HES4: variants seen among roughly 807,000 people sequenced by gnomAD.
HES4 encodes the protein transcription factor HES-4.
Under a neutral mutation model 10.7 loss-of-function variants are expected in HES4, and 17 were observed. The ratio of observed to expected loss-of-function variants is 1.59; its 90% CI spans 1.09 to 2.38. HES4 has a LOEUF of 2.38. HES4 is among the 30% of genes most tolerant of loss of function. The probability of loss-of-function intolerance (pLI) is 0.00; values close to 1 mark genes in which losing one functional copy is unlikely to be tolerated. For missense variants in HES4, 389 were observed against 332.1 expected, an observed-to-expected ratio of 1.17 and a Z score of -1.33; for synonymous variants, 189 against 159.7, an observed-to-expected ratio of 1.18 and a Z score of -1.38.
At position 999,510 on chromosome 1, in the gene HES4, G is replaced by T; in HGVS notation, c.292+16C>A. ...GCCCTCCCCCCGCCTCCAAGCCGCC[G>T]CCGCCCGCGCCTCACCCGTCACCTG... On this transcript the variant is annotated intron_variant, in intron 3 of 3. Coordinates refer to ENST00000304952, the MANE Select transcript of HES4 (RefSeq NM_021170.4). 1 of 1,575,240 alleles carries T rather than the reference G, an allele frequency of 6.3e-7. No homozygotes were observed. The highest frequency in any genetic ancestry group is 1.8e-5 in the Admixed American group (1 of 54,106).
In HES4 at chr1:999,619, G is replaced by C. The variant is rs746586303; in HGVS notation, c.205-6C>G. The C allele has an allele frequency of 6.2e-7, 1 of 1,605,714 alleles. No individual in the cohort carries two copies. Among genetic ancestry groups the C allele is most frequent in the East Asian group, 2.3e-5 (1 of 44,164 alleles). Reference sequence around the variant, plus strand: ...AGCTTCGAGTGGCGGGAGCTCTGGGGGCGGGGATAGGCGGGAGGTCCAGGT... The same window carrying C: ...AGCTTCGAGTGGCGGGAGCTCTGGGCGCGGGGATAGGCGGGAGGTCCAGGT... On this transcript the variant is annotated splice_polypyrimidine_tract_variant and splice_region_variant and intron_variant, in intron 2 of 3. Transcript: ENST00000304952.
intron 3 of HES4, 36 bp downstream of exon 3, chr1:999,490 C>G: frequency 6.4e-7 from 1 of 1,559,880 alleles, no homozygotes; most frequent in East Asian, 2.4e-5. Flanking sequence ...CCCGCGCCCT[C>G]CCCCCGCCTC....
In HES4 at chr1:999,893, C is replaced by T. The variant is rs778228681; in HGVS notation, c.81G>A (p.Lys27=). Residue 27 remains lysine (K), a synonymous_variant, in exon 1 of 4, where the codon AAG becomes AAA. Transcript: ENST00000304952. ...TGCGGTGCTCGGCCGCGCTCCGGGGCTTGTCTGGGGTCCGGCTGGCGCTGG... is the reference window on the plus strand; with the variant it reads ...TGCGGTGCTCGGCCGCGCTCCGGGGTTTGTCTGGGGTCCGGCTGGCGCTGG... ...APASASRTPD[K]PRSAAEHRKS... is the part of the protein sequence containing the mutation. 7 of 1,509,592 alleles carry T rather than the reference C, an allele frequency of 4.6e-6. No individual in the cohort carries two copies. In the Admixed American group the frequency reaches 1.1e-4, roughly 23 times the overall value. The allele number at this position is 1,509,592 out of a possible 1,614,324, so 93.5% of individuals were successfully genotyped here. A position where few individuals can be genotyped will look rare whatever the true frequency, so the allele number is the denominator to read the frequency against.
chr1:999,582 T>G lies in HES4; in HGVS notation c.236A>C (p.Asp79Ala). The G allele has an allele frequency of 6.2e-7, 1 of 1,610,098 alleles. No homozygotes were observed. Among genetic ancestry groups the G allele is most frequent in the Admixed American group, 1.7e-5 (1 of 59,762 alleles). The change falls in exon 3 of 4, where the codon GAC becomes GCC. Residue 79 changes from aspartate to alanine, a missense_variant. Physicochemically the swap from Asp to Ala is moderately radical, Grantham distance 126. Transcript: ENST00000304952. Reference sequence around the variant, plus strand: ...GTGTCTCACGGTCATCTCCAGGATGTCCGCCTTCTCCAGCTTCGAGTGGCG... The same window carrying G: ...GTGTCTCACGGTCATCTCCAGGATGGCCGCCTTCTCCAGCTTCGAGTGGCG... ...SSRHSKLEKADILEMTVRHLR... is the reference protein window; with the variant it reads ...SSRHSKLEKAAILEMTVRHLR...
chr1:999,256 C>T lies in HES4; in HGVS notation c.469G>A (p.Ala157Thr), dbSNP rs1643985085. The part of the protein sequence containing the change: ...LRQLGPSRRP[A>T]SLSPAAPAEA... Reference sequence around the variant, plus strand: ...GCGGGGGCAGCCGGGGACAGCGAGGCCGGGCGGCGGGAGGGTCCCAGCTGG... The same window carrying T: ...GCGGGGGCAGCCGGGGACAGCGAGGTCGGGCGGCGGGAGGGTCCCAGCTGG... The change falls in exon 4 of 4, where the codon GCC (alanine) becomes ACC (threonine). Residue 157 changes from alanine (A) to threonine (T), a missense_variant. Transcript: ENST00000304952. 2.9e-6 allele frequency: 4 copies of T among 1,400,248 alleles called. No homozygotes were observed. Among genetic ancestry groups the T allele is most frequent in the East Asian group, 3.1e-5 (1 of 32,268 alleles). 86.7% of individuals were successfully genotyped at this position (1,400,248 alleles called of 1,614,324 possible).
chr1:999,419 G>C lies in HES4; in HGVS notation c.306C>G (p.Ala102=). 1 of 1,496,006 alleles carries C rather than the reference G, an allele frequency of 6.7e-7. No homozygotes were observed. The allele number at this position is 1,496,006 out of a possible 1,614,324, so 92.7% of individuals were successfully genotyped here. Residue 102 remains alanine, a synonymous_variant, in exon 4 of 4, where the codon GCC becomes GCG. Transcript: ENST00000304952. Reference sequence around the variant, plus strand: ...GGTACTTGCCCAGAACGGCGGGGTCGGCGCTGAGCGCGGCTGCGGGAGCGA... The same window carrying C: ...GGTACTTGCCCAGAACGGCGGGGTCCGCGCTGAGCGCGGCTGCGGGAGCGA... The part of the protein sequence containing the change: ...RRVQVTAALS[A]DPAVLGKYRA...
In HES4 at chr1:999,269, G is replaced by C. The variant is rs1314595951; in HGVS notation, c.456C>G (p.Pro152=). The stretch of plus-strand genomic sequence containing the variant: ...GGGACAGCGAGGCCGGGCGGCGGGA[G>C]GGTCCCAGCTGGCGCAGGCAGGCTG... ...HLAACLRQLG[P]SRRPASLSPA... is the part of the protein sequence containing the mutation. The change falls in exon 4 of 4, where the codon CCC becomes CCG. Residue 152 remains proline (P), a synonymous_variant. Coordinates refer to ENST00000304952, the MANE Select transcript of HES4 (RefSeq NM_021170.4). The C allele has an allele frequency of 7.0e-7, 1 of 1,422,786 alleles. No individual in the cohort carries two copies. Among genetic ancestry groups the C allele is most frequent in the East Asian group, 3.1e-5 (1 of 32,578 alleles). The allele number at this position is 1,422,786 out of a possible 1,614,324, so 88.1% of individuals were successfully genotyped here. A position where few individuals can be genotyped will look rare whatever the true frequency, so the allele number is the denominator to read the frequency against.
rs748762240 is a variant in HES4, at chr1:999,804, G to A, written c.109-17C>T. Reference sequence around the variant, plus strand: ...CTTGGAGGACTGCGGGTCGGGCACCGGCTGAGTCCCGCGTCCCTCCCGCCC... The same window carrying A: ...CTTGGAGGACTGCGGGTCGGGCACCAGCTGAGTCCCGCGTCCCTCCCGCCC... On this transcript the variant is annotated splice_polypyrimidine_tract_variant and intron_variant, in intron 1 of 3. Transcript: ENST00000304952. 1 of 1,608,754 alleles carries A rather than the reference G, an allele frequency of 6.2e-7. No homozygotes were observed.
Position 999,205 on chromosome 1 carries a change from C to A in HES4, c.520G>T (p.Ala174Ser), listed in dbSNP as rs746170331. Residue 174 changes from alanine to serine, a missense_variant, in exon 4 of 4, where the codon GCG (alanine) becomes TCG (serine). Transcript: ENST00000304952. The part of the protein sequence containing the change: ...PAEAPAPEVY[A>S]GRPLLPSLGG... ...AGCGATGGCAGCAGCGGGCGGCCCG[C>A]GTAGACCTCGGGCGCTGGGGCCTCT... is the stretch of plus-strand genomic sequence containing the variant. 1,009 of 1,289,314 alleles carry A rather than the reference C, an allele frequency of 7.8e-4. 1 individual carries two copies. Among genetic ancestry groups the A allele is most frequent in the Non-Finnish European group, 9.2e-4 (945 of 1,023,960 alleles). 79.9% of individuals were successfully genotyped at this position (1,289,314 alleles called of 1,614,324 possible).
intron 2 of HES4, 24 bp downstream of exon 2, chr1:999,666 GTC>G (rs1643996517): frequency 3.1e-6 from 5 of 1,611,306 alleles, no homozygotes; most frequent in Non-Finnish European, 4.2e-6. Flanking sequence ...CAGACTCCGG[GTC>G]TCGGGCCTTC....
Position 999,540 on chromosome 1 carries a change from C to T in HES4, c.278G>A (p.Arg93His), listed in dbSNP as rs781536090. ...CCGCGCCTCACCCGTCACCTGCACGCGACGCAGGCTCCGCAGGTGTCTCAC... is the reference window on the plus strand; with the variant it reads ...CCGCGCCTCACCCGTCACCTGCACGTGACGCAGGCTCCGCAGGTGTCTCAC... The part of the protein sequence containing the change: ...MTVRHLRSLR[R>H]VQVTAALSAD... The change falls in exon 3 of 4, where the codon CGC becomes CAC. Residue 93 changes from arginine (R) to histidine (H), a missense_variant. Coordinates refer to ENST00000304952, the MANE Select transcript of HES4 (RefSeq NM_021170.4). 5.6e-6 allele frequency: 9 copies of T among 1,601,906 alleles called. No homozygotes were observed. The South Asian group carries it at 8.9e-5, about 16-fold the overall frequency.
In HES4 at chr1:999,357, C is replaced by A; in HGVS notation, c.368G>T (p.Arg123Leu). 6.7e-7 allele frequency: 1 copy of A among 1,495,020 alleles called. No homozygotes were observed. 92.6% of individuals were successfully genotyped at this position (1,495,020 alleles called of 1,614,324 possible). A position where few individuals can be genotyped will look rare whatever the true frequency, so the allele number is the denominator to read the frequency against. The stretch of plus-strand genomic sequence containing the variant: ...GACGCCCTCGCAGCCGGCCAGGAAG[C>A]GGTTCACCTCCGCCAGACACTCGTG... The part of the protein sequence containing the change: ...GFHECLAEVN[R>L]FLAGCEGVPA... Residue 123 changes from arginine to leucine, a missense_variant, in exon 4 of 4, where the codon CGC becomes CTC. Arg to Leu is a moderately radical substitution (Grantham distance 102, BLOSUM62 -2). Coordinates refer to ENST00000304952, the MANE Select transcript of HES4 (RefSeq NM_021170.4).
chr1:999,336 C>T lies in HES4; in HGVS notation c.389G>A (p.Gly130Asp). ...EVNRFLAGCE[G>D]VPADVRSRLL... Reference sequence around the variant, plus strand: ...GCGGGAGCGCACGTCGGCCGGGACGCCCTCGCAGCCGGCCAGGAAGCGGTT... The same window carrying T: ...GCGGGAGCGCACGTCGGCCGGGACGTCCTCGCAGCCGGCCAGGAAGCGGTT... Residue 130 changes from glycine (G) to aspartate (D), a missense_variant, in exon 4 of 4, where the codon GGC (glycine) becomes GAC (aspartate). Physicochemically the swap from Gly to Asp is moderately conservative, Grantham distance 94. Transcript: ENST00000304952. 5.4e-6 allele frequency: 8 copies of T among 1,482,348 alleles called. No individual in the cohort carries two copies. Among genetic ancestry groups the T allele is most frequent in the Non-Finnish European group, 7.1e-6 (8 of 1,124,044 alleles). 91.8% of individuals were successfully genotyped at this position (1,482,348 alleles called of 1,614,324 possible). A position where few individuals can be genotyped will look rare whatever the true frequency, so the allele number is the denominator to read the frequency against.
chr1:999,279 T>C lies in HES4; in HGVS notation c.446A>G (p.Gln149Arg). The change falls in exon 4 of 4, where the codon CAG (glutamine) becomes CGG (arginine). Residue 149 changes from glutamine (Q) to arginine (R), a missense_variant. Coordinates refer to ENST00000304952, the MANE Select transcript of HES4 (RefSeq NM_021170.4). ...GGCCGGGCGGCGGGAGGGTCCCAGC[T>C]GGCGCAGGCAGGCTGCCAGGTGGCC... ...LLGHLAACLRQLGPSRRPASL... is the reference protein window; with the variant it reads ...LLGHLAACLRRLGPSRRPASL... The C allele has an allele frequency of 6.9e-7, 1 of 1,453,250 alleles. No individual in the cohort carries two copies. Among genetic ancestry groups the C allele is most frequent in the East Asian group, 3.0e-5 (1 of 33,152 alleles). The allele number at this position is 1,453,250 out of a possible 1,614,324, so 90.0% of individuals were successfully genotyped here.
rs778942342 is a variant in HES4 at position 999,087 on chromosome 1, C to T, written c.638G>A (p.Gly213Asp). 3 of 1,236,442 alleles carry T rather than the reference C, an allele frequency of 2.4e-6. No homozygotes were observed. The highest frequency in any genetic ancestry group is 7.8e-5 in the Admixed American group (2 of 25,556). The allele number at this position is 1,236,442 out of a possible 1,614,324, so 76.6% of individuals were successfully genotyped here. A position where few individuals can be genotyped will look rare whatever the true frequency, so the allele number is the denominator to read the frequency against. Residue 213 changes from glycine (G) to aspartate (D), a missense_variant, in exon 4 of 4, where the codon GGT becomes GAT. Transcript: ENST00000304952. ...AAPRAGPQGPGGPWRPWLR is the reference protein window; with the variant it reads ...AAPRAGPQGPDGPWRPWLR ...GCGCAGCCACGGCCTCCAGGGCCCA[C>T]CCGGGCCCTGCGGCCCCGCCCTGGG...
Position 999,424 on chromosome 1 carries a change from T to C in HES4, c.301A>G (p.Ser101Gly). The change falls in exon 4 of 4, where the codon AGC becomes GGC. Residue 101 changes from serine (S) to glycine (G), a missense_variant. Transcript: ENST00000304952. Reference sequence around the variant, plus strand: ...TTGCCCAGAACGGCGGGGTCGGCGCTGAGCGCGGCTGCGGGAGCGACACAG... The same window carrying C: ...TTGCCCAGAACGGCGGGGTCGGCGCCGAGCGCGGCTGCGGGAGCGACACAG... Reference protein sequence around the residue: ...LRRVQVTAALSADPAVLGKYR... With the variant: ...LRRVQVTAALGADPAVLGKYR... 2.0e-6 allele frequency: 3 copies of C among 1,501,810 alleles called. No individual in the cohort carries two copies. The highest frequency in any genetic ancestry group is 2.6e-6 in the Non-Finnish European group (3 of 1,140,130). The allele number at this position is 1,501,810 out of a possible 1,614,324, so 93.0% of individuals were successfully genotyped here.
In HES4 at chr1:999,258, G is replaced by T. The variant is rs1231131024; in HGVS notation, c.467C>A (p.Pro156Gln). 2.1e-6 allele frequency: 3 copies of T among 1,402,658 alleles called. No homozygotes were observed. The highest frequency in any genetic ancestry group is 2.8e-6 in the Non-Finnish European group (3 of 1,082,856). 86.9% of individuals were successfully genotyped at this position (1,402,658 alleles called of 1,614,324 possible). ...CLRQLGPSRR[P>Q]ASLSPAAPAE... is the part of the protein sequence containing the mutation. Reference sequence around the variant, plus strand: ...GGGGGCAGCCGGGGACAGCGAGGCCGGGCGGCGGGAGGGTCCCAGCTGGCG... The same window carrying T: ...GGGGGCAGCCGGGGACAGCGAGGCCTGGCGGCGGGAGGGTCCCAGCTGGCG... The change falls in exon 4 of 4, where the codon CCG (proline) becomes CAG (glutamine). Residue 156 changes from proline (P) to glutamine (Q), a missense_variant. Physicochemically the swap from Pro to Gln is moderately conservative, Grantham distance 76. Coordinates refer to ENST00000304952, the MANE Select transcript of HES4 (RefSeq NM_021170.4).
In HES4 at chr1:999,220, C is replaced by T; in HGVS notation, c.505G>A (p.Ala169Thr). The change falls in exon 4 of 4, where the codon GCG becomes ACG. Residue 169 changes from alanine (A) to threonine (T), a missense_variant. By Grantham distance (58) the Ala-to-Thr change is moderately conservative. Transcript: ENST00000304952. ...LSPAAPAEAPAPEVYAGRPLL... is the reference protein window; with the variant it reads ...LSPAAPAEAPTPEVYAGRPLL... ...GGGCGGCCCGCGTAGACCTCGGGCG[C>T]TGGGGCCTCTGCGGGGGCAGCCGGG... 1 of 1,320,462 alleles carries T rather than the reference C, an allele frequency of 7.6e-7. No homozygotes were observed. Among genetic ancestry groups the T allele is most frequent in the Non-Finnish European group, 9.6e-7 (1 of 1,042,106 alleles). 81.8% of individuals were successfully genotyped at this position (1,320,462 alleles called of 1,614,324 possible).
rs962321709 is a variant in HES4 at position 998,966 on chromosome 1, G to C, written c.*93C>G. 9.0e-7 allele frequency: 1 copy of C among 1,113,246 alleles called. No individual in the cohort carries two copies. Among genetic ancestry groups the C allele is most frequent in the Non-Finnish European group, 1.1e-6 (1 of 872,032 alleles). The allele number at this position is 1,113,246 out of a possible 1,614,324, so 69.0% of individuals were successfully genotyped here. On this transcript the variant is annotated 3_prime_UTR_variant, in exon 4 of 4. Coordinates refer to ENST00000304952, the MANE Select transcript of HES4 (RefSeq NM_021170.4). ...AAGAAAACTCGTGACGCAGACTCTG[G>C]AATAATAAATACGTTTTCTCTGCTA...
Sources: gnomAD v4.1 joint callset for allele counts on GRCh38, gnomAD v4.1.1 for gene constraint, MANE v1.5 for transcripts, NCBI Gene and HGNC (gene_info 2026-07-23, HGNC 2026-07-21) for gene names.